Variants in PCDH15 observed in about 807,000 individuals in gnomAD.
PCDH15 encodes the protein protocadherin-15.
PCDH15 carries 129 observed loss-of-function variants against 178.5 expected under a neutral mutation model. That is an observed-to-expected ratio of 0.72 (90% CI 0.63 to 0.84). PCDH15 has a LOEUF of 0.84. Among genes scored for constraint, PCDH15 ranks in the 40% least tolerant of loss-of-function variants. The pLI is 0.00. For synonymous variants in PCDH15, 800 were observed against 732.0 expected (o/e 1.09, Z -1.50); for missense variants, 2,230 against 2,099.9 (o/e 1.06, Z -1.21).
chr10:55,540,156 G>C (rs1456650531), intron 2 of PCDH15, among the ~76,000 whole-genome samples: 1 of 151,894 alleles, frequency 6.6e-6, no homozygotes, highest in African/African-American at 2.4e-5. Flanking sequence ...CAAGTGCATA[G>C]TCCATTTGTG....
intron 15 of PCDH15, among the ~76,000 whole-genome samples, chr10:54,096,713 T>A (rs2094706416): frequency 6.6e-6 from 1 of 152,126 alleles, no homozygotes; most frequent in Admixed American, 6.6e-5. Context: ...TCATGAGGAC[T>A]CCACTCTCAT....
At chr10:54,923,127 C>T (rs1278778070) in intron 2 of PCDH15, among the ~76,000 whole-genome samples, 1 of 138,772 alleles carries the variant, frequency 7.2e-6, no homozygotes, top group Admixed American at 7.0e-5. Context: ...TGGAAGCTGC[C>T]CAGGCTTGAG....
chr10:54,518,726 C>T (rs1185263808), intron 3 of PCDH15, among the ~76,000 whole-genome samples: 1 of 152,168 alleles, frequency 6.6e-6, no homozygotes, highest in East Asian at 1.9e-4. Context: ...CCAGCATCAT[C>T]CTGATACCAA....
intron 8 of PCDH15, among the ~76,000 whole-genome samples, chr10:54,242,230 A>C (rs994767815): frequency 1.4e-5 from 2 of 143,156 alleles, no homozygotes; most frequent in Admixed American, 1.4e-4. Context: ...ATTAATAAAA[A>C]TATATTAGCA....
rs750531031 is a variant in PCDH15 at position 54,183,588 on chromosome 10, T to C, written c.1446A>G (p.Thr482=). 2.5e-6 allele frequency: 4 copies of C among 1,613,930 alleles called. No individual in the cohort carries two copies. ...EEQQTYTFSI[T]AFDGVQESEP... ...CACTTTCTTGTACACCATCAAATGCTGTTATCTTTGGGAGGAGAAAAATAC... is the reference window on the plus strand; with the variant it reads ...CACTTTCTTGTACACCATCAAATGCCGTTATCTTTGGGAGGAGAAAAATAC... Residue 482 remains threonine (T), a synonymous_variant, in exon 13 of 38, where the codon ACA becomes ACG. Transcript: ENST00000644397.
At chr10:53,924,890 T>C (rs1312651665) in intron 25 of PCDH15, among the ~76,000 whole-genome samples, 3 of 152,158 alleles carry the variant, frequency 2.0e-5, no homozygotes, top group Non-Finnish European at 2.9e-5. Flanking sequence ...GCTCAAGGTT[T>C]GTAAATGCAC....
intron 2 of PCDH15, among the ~76,000 whole-genome samples, chr10:55,609,567 A>C (rs1843316748): frequency 1.3e-5 from 2 of 152,124 alleles, no homozygotes; most frequent in Non-Finnish European, 2.9e-5. Context: ...GTCAAAATGA[A>C]AGGCCTCTTC....
intron 3 of PCDH15, among the ~76,000 whole-genome samples, chr10:54,811,146 T>TAC (rs1564529203): frequency 6.6e-6 from 1 of 151,836 alleles, no homozygotes; most frequent in African/African-American, 2.4e-5. Context: ...TATATATATA[T>TAC]ATGTAAATAT....
chr10:55,293,496 C>G (rs911068154), intron 1 of PCDH15, among the ~76,000 whole-genome samples: 1 of 152,190 alleles, frequency 6.6e-6, no homozygotes, highest in Non-Finnish European at 1.5e-5. Flanking sequence ...CATTGTTAGG[C>G]TGCAAATTTT....
intron 8 of PCDH15, among the ~76,000 whole-genome samples, chr10:54,256,215 T>C (rs1197373740): frequency 6.6e-6 from 1 of 152,114 alleles, no homozygotes; most frequent in Non-Finnish European, 1.5e-5. Flanking sequence ...CTGGAGAAGA[T>C]GGTCAGCTAG....
intron 1 of PCDH15, among the ~76,000 whole-genome samples, chr10:54,681,094 T>C (rs1378651827): frequency 6.6e-6 from 1 of 151,930 alleles, no homozygotes; most frequent in Non-Finnish European, 1.5e-5. Flanking sequence ...GCCAGATTAA[T>C]AAGAGGGAGG....
At chr10:53,959,194 C>T (rs1241866256) in intron 23 of PCDH15, among the ~76,000 whole-genome samples, 1 of 147,984 alleles carries the variant, frequency 6.8e-6, no homozygotes, top group African/African-American at 2.5e-5. Flanking sequence ...TATATATACA[C>T]ACAGTATATA....
At chr10:55,188,647 A>T (rs1362666190) in intron 1 of PCDH15, among the ~76,000 whole-genome samples, 1 of 151,980 alleles carries the variant, frequency 6.6e-6, no homozygotes, top group Non-Finnish European at 1.5e-5. Flanking sequence ...TTTAGTTGCC[A>T]TAAGACAATT....
At chr10:55,553,059 A>C (rs1184010062) in intron 2 of PCDH15, among the ~76,000 whole-genome samples, 1 of 151,710 alleles carries the variant, frequency 6.6e-6, no homozygotes, top group Non-Finnish European at 1.5e-5. Flanking sequence ...GAAAGTTTTT[A>C]TAAGTTTTAA....
At chr10:54,956,538 C>T (rs1430824521) in intron 2 of PCDH15, among the ~76,000 whole-genome samples, 4 of 151,330 alleles carry the variant, frequency 2.6e-5, no homozygotes, top group Non-Finnish European at 5.9e-5. Flanking sequence ...AAAAAGAGTT[C>T]TACTTTGCCA....
At chr10:54,106,376 T>C (rs1280702176) in intron 15 of PCDH15, among the ~76,000 whole-genome samples, 1 of 152,212 alleles carries the variant, frequency 6.6e-6, no homozygotes, top group Non-Finnish European at 1.5e-5. Flanking sequence ...TAGCAATCTA[T>C]TTGTTTTCCT....
At chr10:54,079,467 T>A in intron 16 of PCDH15, 43 bp from the exon 17 acceptor site, 2 of 1,554,540 alleles carry the variant, frequency 1.3e-6, no homozygotes, top group South Asian at 2.2e-5. Context: ...AAAGAGATAT[T>A]ATGTCACAAG....
chr10:54,739,139 A>G (rs1395686214), intron 1 of PCDH15, among the ~76,000 whole-genome samples: 1 of 152,000 alleles, frequency 6.6e-6, no homozygotes, highest in Non-Finnish European at 1.5e-5. Flanking sequence ...AGATGATATG[A>G]TCTTATATTT....
chr10:55,275,492 T>C (rs528813318), intron 1 of PCDH15, among the ~76,000 whole-genome samples: 99 of 152,118 alleles, frequency 6.5e-4, no homozygotes, highest in Non-Finnish European at 1.2e-3. Context: ...ATCTTCAAAT[T>C]ACATAAAAAT....
Sources: allele counts gnomAD v4.1 joint callset (sites outside exome capture counted in the v4.1 genomes callset), GRCh38; gene constraint gnomAD v4.1.1; transcripts MANE v1.5; gene names NCBI Gene and HGNC (gene_info 2026-07-23, HGNC 2026-07-21).